TMEM132B: variants seen among roughly 807,000 people sequenced by gnomAD.
TMEM132B encodes the protein transmembrane protein 132B.
A neutral mutation model predicts 90.8 loss-of-function variants in TMEM132B; 18 were observed. The ratio of observed to expected loss-of-function variants is 0.20; its 90% CI spans 0.14 to 0.29. The LOEUF is 0.29. Among genes scored for constraint, TMEM132B ranks in the 10% least tolerant of loss-of-function variants. The probability of loss-of-function intolerance (pLI) is 1.00; values close to 1 mark genes in which losing one functional copy is unlikely to be tolerated. For synonymous variants in TMEM132B, 504 were observed against 523.3 expected (o/e 0.96, Z 0.50); for missense variants, 1,096 against 1,326.8 (o/e 0.83, Z 2.70).
At chr12:125,505,973 A>C (rs1288168322) in intron 3 of TMEM132B, among the ~76,000 whole-genome samples, 1 of 152,234 alleles carries the variant, frequency 6.6e-6, no homozygotes, top group Non-Finnish European at 1.5e-5. Flanking sequence ...TTTGCGAAAG[A>C]CCTATACTTG....
At chr12:125,285,965 C>A (rs1353246691) in intron 1 of TMEM132B, among the ~76,000 whole-genome samples, 1 of 152,132 alleles carries the variant, frequency 6.6e-6, no homozygotes, top group African/African-American at 2.4e-5. Flanking sequence ...GTAAGAGAGG[C>A]AAGAGCATTT....
chr12:125,651,229 A>G (rs1886909700), intron 7 of TMEM132B, among the ~76,000 whole-genome samples: 1 of 152,234 alleles, frequency 6.6e-6, no homozygotes, highest in Non-Finnish European at 1.5e-5. Flanking sequence ...TAAATGAAAC[A>G]TGTAGTGTAA....
chr12:125,521,708 G>T (rs1883311133), intron 4 of TMEM132B, among the ~76,000 whole-genome samples: 1 of 152,176 alleles, frequency 6.6e-6, no homozygotes. Flanking sequence ...GTTAGGGCTG[G>T]AGTGTGGGAG....
In TMEM132B at chr12:125,563,147, GTAATAATAATAA is replaced by G. The variant is rs143547141; in HGVS notation, c.1294-20673_1294-20662del. Among the ~76,000 whole-genome samples the G allele has an allele frequency of 2.3e-3, 323 of 138,420 alleles. 2 individuals carry two copies. The highest frequency in any genetic ancestry group is 4.8e-3 in the Admixed American group (65 of 13,646). 90.8% of individuals were successfully genotyped at this position (138,420 alleles called of 152,430 possible). On this transcript the variant is annotated intron_variant, in intron 4 of 8. Transcript: ENST00000682704. ...CAGTGATCACAGGTCACCATAATGC[GTAATAATAATAA>G]TAATAATAATAATAATAATAATAAT...
chr12:125,317,982 A>G (rs1876329661), intron 1 of TMEM132B, among the ~76,000 whole-genome samples: 1 of 152,202 alleles, frequency 6.6e-6, no homozygotes, highest in East Asian at 1.9e-4. Context: ...ATGGATCCAT[A>G]TGGTATTTCC....
intron 1 of TMEM132B, among the ~76,000 whole-genome samples, chr12:125,264,508 C>A (rs1482987014): frequency 3.3e-5 from 5 of 152,128 alleles, no homozygotes; most frequent in Admixed American, 2.6e-4. Context: ...CCATTCTGGG[C>A]AGATAGGGCC....
chr12:125,343,276 G>T (rs570947103), intron 1 of TMEM132B, among the ~76,000 whole-genome samples: 2 of 152,242 alleles, frequency 1.3e-5, no homozygotes, highest in African/African-American at 4.8e-5. Context: ...TGGCTGTTTT[G>T]CTAGCAGCTG....
At chr12:125,326,616 T>C (rs1005580223) in intron 1 of TMEM132B, 1 of 1,605,576 alleles carries the variant, frequency 6.2e-7, no homozygotes, top group Non-Finnish European at 8.5e-7. Flanking sequence ...CTCCAGACTC[T>C]ACGGGAAATG....
intron 3 of TMEM132B, among the ~76,000 whole-genome samples, chr12:125,416,157 CT>C (rs1880004987): frequency 6.6e-6 from 1 of 152,194 alleles, no homozygotes; most frequent in African/African-American, 2.4e-5. Context: ...CAGCCTTGGG[CT>C]TTACAAGGCT....
chr12:125,625,775 A>G (rs957519564), intron 5 of TMEM132B, among the ~76,000 whole-genome samples: 8 of 152,252 alleles, frequency 5.3e-5, no homozygotes, highest in Non-Finnish European at 8.8e-5. Context: ...CCAAAAATGA[A>G]TGAGAATTCC....
chr12:125,371,784 A>G (rs1032832903), intron 2 of TMEM132B, among the ~76,000 whole-genome samples: 13 of 152,256 alleles, frequency 8.5e-5, no homozygotes, highest in African/African-American at 2.7e-4. Flanking sequence ...AGCACTAATC[A>G]GAGATGCAAG....
chr12:125,470,399 G>T (rs933518804), intron 3 of TMEM132B, among the ~76,000 whole-genome samples: 1 of 152,114 alleles, frequency 6.6e-6, no homozygotes, highest in African/African-American at 2.4e-5. Context: ...TCTGCATTGC[G>T]GTTGGAGTCT....
chr12:125,247,704 T>C (rs1593055032), intron 1 of TMEM132B, among the ~76,000 whole-genome samples: 1 of 151,966 alleles, frequency 6.6e-6, no homozygotes, highest in African/African-American at 2.4e-5. Flanking sequence ...GAGAACAGCA[T>C]CCCCCTGGCC....
At chr12:125,598,689 T>G (rs1268740395) in intron 5 of TMEM132B, among the ~76,000 whole-genome samples, 1 of 152,234 alleles carries the variant, frequency 6.6e-6, no homozygotes, top group Non-Finnish European at 1.5e-5. Context: ...GATGGATGTT[T>G]TGTGGGGTTG....
chr12:125,504,976 C>T (rs918447448), intron 3 of TMEM132B, among the ~76,000 whole-genome samples: 3 of 151,948 alleles, frequency 2.0e-5, no homozygotes, highest in Admixed American at 1.3e-4. Flanking sequence ...TGGAATCGCA[C>T]ATGCATTATG....
At chr12:125,473,906 T>C (rs1469523270) in intron 3 of TMEM132B, among the ~76,000 whole-genome samples, 1 of 152,136 alleles carries the variant, frequency 6.6e-6, no homozygotes, top group African/African-American at 2.4e-5. Flanking sequence ...TTTTTTCTTC[T>C]TTTTGTTAGC....
At chr12:125,304,440 G>A (rs1404451006) in intron 1 of TMEM132B, among the ~76,000 whole-genome samples, 1 of 151,982 alleles carries the variant, frequency 6.6e-6, no homozygotes, top group African/African-American at 2.4e-5. Flanking sequence ...AATCCATGAA[G>A]ATTTGTCCTT....
intron 1 of TMEM132B, among the ~76,000 whole-genome samples, chr12:125,233,076 C>T (rs77842654): frequency 0.018 from 2,729 of 152,092 alleles, 174 homozygotes; most frequent in Admixed American, 0.11. Flanking sequence ...TGTTTGTTTC[C>T]CTAGGTAGGT....
intron 3 of TMEM132B, among the ~76,000 whole-genome samples, chr12:125,472,494 T>C (rs567839254): frequency 6.6e-6 from 1 of 152,350 alleles, no homozygotes; most frequent in East Asian, 1.9e-4. Context: ...TGGAACAGTT[T>C]CTTTAGAATC....
Sources: allele counts gnomAD v4.1 joint callset (sites outside exome capture counted in the v4.1 genomes callset), GRCh38; gene constraint gnomAD v4.1.1; transcripts MANE v1.5; gene names NCBI Gene and HGNC (gene_info 2026-07-23, HGNC 2026-07-21).